The following HDAC4 variants were observed in gnomAD, a reference collection of about 807,000 sequenced individuals.
The protein encoded by HDAC4 is histone deacetylase A.
In HDAC4, 16 loss-of-function variants were observed where a neutral mutation model predicts 135.1. That is an observed-to-expected ratio of 0.12 (90% CI 0.08 to 0.18). The LOEUF is 0.18. Among genes scored for constraint, HDAC4 ranks in the 10% least tolerant of loss-of-function variants. The pLI is 1.00. For missense variants in HDAC4, 1,143 were observed against 1,511.8 expected (o/e 0.76, Z 4.05); for synonymous variants, 685 against 653.4 (o/e 1.05, Z -0.74).
chr2:239,292,033 GGCCCAGCTCA>G (rs1246041429), intron 2 of HDAC4, among the ~76,000 whole-genome samples: 1 of 151,084 alleles, frequency 6.6e-6, no homozygotes, highest in Non-Finnish European at 1.5e-5. Context: ...GGCCCAGCTC[GGCCCAGCTCA>G]GCCCAGCTCA....
At chr2:239,168,599 C>T (rs558600569) in intron 5 of HDAC4, among the ~76,000 whole-genome samples, 4 of 152,348 alleles carry the variant, frequency 2.6e-5, no homozygotes, top group Non-Finnish European at 5.9e-5. Flanking sequence ...ATGCTGTGCA[C>T]CGTGTTTTCA....
rs1257121323 is a variant in HDAC4, at chr2:239,150,224, TACAC to T, written c.734-5514_734-5511del. ...ACAGGTACACACACAGACACACAGA[TACAC>T]ACACAGAAACACAGATACACAGACA... On this transcript the variant is annotated intron_variant, in intron 7 of 26. Coordinates refer to ENST00000543185, the MANE Select transcript of HDAC4 (RefSeq NM_001378414.1). Among the ~76,000 whole-genome samples the T allele has an allele frequency of 2.6e-5, 4 of 151,136 alleles. No homozygotes were observed. In the East Asian group the frequency reaches 5.8e-4, roughly 22 times the overall value.
chr2:239,391,392 T>C (rs972124864), intron 1 of HDAC4, among the ~76,000 whole-genome samples: 3 of 152,172 alleles, frequency 2.0e-5, no homozygotes, highest in African/African-American at 7.2e-5. Flanking sequence ...AGAGACACCC[T>C]GAGCAGGTGC....
chr2:239,341,838 G>A (rs879822897), intron 2 of HDAC4, among the ~76,000 whole-genome samples: 1 of 152,176 alleles, frequency 6.6e-6, no homozygotes, highest in Non-Finnish European at 1.5e-5. Context: ...CAAAATTCAC[G>A]TGTTAAAATC....
intron 7 of HDAC4, among the ~76,000 whole-genome samples, chr2:239,149,303 A>G (rs981963672): frequency 6.6e-6 from 1 of 151,936 alleles, no homozygotes; most frequent in African/African-American, 2.4e-5. Context: ...AGGAGGCTGA[A>G]GCAGGAGAAT....
chr2:239,214,429 A>G (rs1004694491), intron 3 of HDAC4, among the ~76,000 whole-genome samples: 1 of 152,242 alleles, frequency 6.6e-6, no homozygotes, highest in Non-Finnish European at 1.5e-5. Context: ...CCCCATCTGC[A>G]GAGCTCCTTT....
At chr2:239,376,923 A>G (rs1003566826) in intron 1 of HDAC4, among the ~76,000 whole-genome samples, 12 of 152,098 alleles carry the variant, frequency 7.9e-5, no homozygotes, top group South Asian at 4.2e-4. Flanking sequence ...TTTCAATAAT[A>G]AGTGGCTCTG....
rs565654801 is a variant in HDAC4 at position 239,261,292 on chromosome 2, C to A, written c.23-24628G>T. The stretch of plus-strand genomic sequence containing the variant: ...GGAACTAAATTCAACAGAATGTACA[C>A]GAGCCCAGGTAACACGCTAGAGATG... On this transcript the variant is annotated intron_variant, in intron 2 of 26. Coordinates refer to ENST00000543185, the MANE Select transcript of HDAC4 (RefSeq NM_001378414.1). 3.3e-5 allele frequency among the ~76,000 whole-genome samples: 5 copies of A among 152,294 alleles called. No individual in the cohort carries two copies. In the South Asian group the frequency reaches 1.0e-3, roughly 32 times the overall value.
At chr2:239,298,778 G>A (rs2052065068) in intron 2 of HDAC4, 3 of 219,024 alleles carry the variant, frequency 1.4e-5, no homozygotes, top group Non-Finnish European at 2.3e-5. Context: ...TTATCTCTCG[G>A]AGACTTAACT....
At chr2:239,117,273 T>A (rs1307036904) in intron 12 of HDAC4, among the ~76,000 whole-genome samples, 1 of 152,042 alleles carries the variant, frequency 6.6e-6, no homozygotes, top group Non-Finnish European at 1.5e-5. Flanking sequence ...CAGGTGCACG[T>A]TCTAGAAGCA....
chr2:239,380,526 C>A (rs1695347049), intron 1 of HDAC4, among the ~76,000 whole-genome samples: 1 of 152,126 alleles, frequency 6.6e-6, no homozygotes, highest in African/African-American at 2.4e-5. Context: ...GAAGAACCAC[C>A]TGCCTTTAAA....
chr2:239,119,179 G>A (rs745897097), intron 12 of HDAC4, among the ~76,000 whole-genome samples: 1 of 152,210 alleles, frequency 6.6e-6, no homozygotes, highest in Non-Finnish European at 1.5e-5. Flanking sequence ...AGTGGTGTAT[G>A]GGAGGTTTCT....
At chr2:239,301,443 A>G (rs2052255668) in intron 2 of HDAC4, among the ~76,000 whole-genome samples, 1 of 148,322 alleles carries the variant, frequency 6.7e-6, no homozygotes, top group Non-Finnish European at 1.5e-5. Context: ...ACTGGCCCAC[A>G]TTTCTAAATT....
intron 2 of HDAC4, among the ~76,000 whole-genome samples, chr2:239,320,883 G>A (rs1298285374): frequency 1.3e-5 from 2 of 151,910 alleles, no homozygotes; most frequent in Non-Finnish European, 2.9e-5. Context: ...TCTCCAACTT[G>A]GGTATTTTAA....
chr2:239,170,770 C>T (rs564859568), intron 5 of HDAC4, among the ~76,000 whole-genome samples: 66 of 152,256 alleles, frequency 4.3e-4, no homozygotes, highest in African/African-American at 9.4e-4. Context: ...ACAGGGACCG[C>T]GGGGAGCAGG....
chr2:239,339,708 T>G (rs1692177745), intron 2 of HDAC4, among the ~76,000 whole-genome samples: 1 of 152,078 alleles, frequency 6.6e-6, no homozygotes, highest in Admixed American at 6.5e-5. Flanking sequence ...CACCATCTCC[T>G]TAGAAAATGC....
intron 2 of HDAC4, among the ~76,000 whole-genome samples, chr2:239,274,657 G>A (rs527946639): frequency 1.1e-3 from 169 of 152,310 alleles, no homozygotes; most frequent in Admixed American, 0.011. Context: ...GGGGCCCTGG[G>A]AACCCTACTT....
intron 1 of HDAC4, among the ~76,000 whole-genome samples, chr2:239,383,669 G>A (rs1169849268): frequency 2.6e-5 from 4 of 151,940 alleles, no homozygotes; most frequent in Admixed American, 6.5e-5. Context: ...GAGAAAGCGC[G>A]GCAACGACAC....
chr2:239,121,565 T>C (rs1013414804), intron 12 of HDAC4, among the ~76,000 whole-genome samples: 4 of 152,246 alleles, frequency 2.6e-5, no homozygotes, highest in Non-Finnish European at 5.9e-5. Context: ...TAGTGTCCTT[T>C]AGTGACAACA....
Sources: allele counts gnomAD v4.1 joint callset (sites outside exome capture counted in the v4.1 genomes callset), GRCh38; gene constraint gnomAD v4.1.1; transcripts MANE v1.5; gene names NCBI Gene and HGNC (gene_info 2026-07-23, HGNC 2026-07-21).